AKR1C4: variants seen among roughly 807,000 people sequenced by gnomAD.
AKR1C4 encodes 3-alpha-HSD1.
A neutral mutation model predicts 41.0 loss-of-function variants in AKR1C4; 44 were observed. The observed-to-expected ratio is 1.07, with a 90% CI of 0.84 to 1.38. The LOEUF is 1.38. AKR1C4 is among the 40% of genes most tolerant of loss of function. The pLI is 0.00. For missense variants in AKR1C4, 438 were observed against 387.9 expected (o/e 1.13, Z -1.09); for synonymous variants, 165 against 137.7 (o/e 1.20, Z -1.39).
At chr10:5,205,724 A>G in intron 3 of AKR1C4, 33 bp from the exon 4 acceptor site, 1 of 1,596,896 alleles carries the variant, frequency 6.3e-7, no homozygotes, top group Non-Finnish European at 8.6e-7. Context: ...GAAAAGTTAA[A>G]TGGTGACACT....
intron 3 of AKR1C4, among the ~76,000 whole-genome samples, chr10:5,205,017 C>T (rs1055959345): frequency 3.3e-5 from 5 of 152,206 alleles, no homozygotes; most frequent in African/African-American, 9.6e-5. Flanking sequence ...TCATGAATTT[C>T]GGTTGTGCAT....
At chr10:5,210,831 C>T (rs1832563533) in intron 5 of AKR1C4, among the ~76,000 whole-genome samples, 1 of 152,200 alleles carries the variant, frequency 6.6e-6, no homozygotes, top group East Asian at 1.9e-4. Context: ...AGGCTGGTCT[C>T]AAACTCCTGA....
rs1485304187 is a variant in AKR1C4, at chr10:5,218,515, AAT to A, written c.930-199_930-198del. On this transcript the variant is annotated intron_variant, in intron 8 of 8. Transcript: ENST00000263126. The stretch of plus-strand genomic sequence containing the variant: ...TTGTGTGATAAATTCCAGGCAAGGG[AAT>A]ATAAGTTGAAAATTTTCTTATTTTG... Among the ~76,000 whole-genome samples the A allele has an allele frequency of 1.1e-4, 17 of 147,928 alleles. 1 individual carries two copies. Among genetic ancestry groups the A allele is most frequent in the East Asian group, 1.0e-3 (5 of 4,984 alleles).
chr10:5,197,390 T>C (rs1331655899), intron 1 of AKR1C4, among the ~76,000 whole-genome samples: 1 of 152,186 alleles, frequency 6.6e-6, no homozygotes, highest in Non-Finnish European at 1.5e-5. Flanking sequence ...ATGGGGTGTA[T>C]GAAAACTGTT....
At chr10:5,216,923 G>A (rs1832665545) in intron 8 of AKR1C4, 130 bp downstream of exon 8, 1 of 623,426 alleles carries the variant, frequency 1.6e-6, no homozygotes, top group Admixed American at 3.0e-5. Flanking sequence ...GGAACTCTCT[G>A]GAACTCTCCT....
intron 5 of AKR1C4, among the ~76,000 whole-genome samples, chr10:5,208,724 CATTG>C (rs1832526132): frequency 6.6e-6 from 1 of 151,186 alleles, no homozygotes; most frequent in African/African-American, 2.5e-5. Flanking sequence ...TCATATTTCC[CATTG>C]TTTTATTGAA....
chr10:5,199,696 C>A (rs1446829208), intron 1 of AKR1C4, among the ~76,000 whole-genome samples: 2 of 152,040 alleles, frequency 1.3e-5, no homozygotes, highest in African/African-American at 4.8e-5. Flanking sequence ...GCTGAGCAGC[C>A]GGACTCTAGG....
chr10:5,205,098 G>T (rs536880467), intron 3 of AKR1C4, among the ~76,000 whole-genome samples: 3 of 152,254 alleles, frequency 2.0e-5, no homozygotes, highest in African/African-American at 7.2e-5. Context: ...TGATGCAAAT[G>T]GGTAGTCACT....
intron 3 of AKR1C4, among the ~76,000 whole-genome samples, 192 bp from the exon 4 acceptor site, chr10:5,205,565 A>G (rs1034026944): frequency 1.3e-5 from 2 of 152,220 alleles, no homozygotes; most frequent in African/African-American, 4.8e-5. Context: ...TAATGGAAGT[A>G]GGAGATTAAA....
chr10:5,216,623 C>T (rs1832661338), intron 7 of AKR1C4, 88 bp from the exon 8 acceptor site: 2 of 887,390 alleles, frequency 2.3e-6, no homozygotes, highest in African/African-American at 1.7e-5. Flanking sequence ...TTACATATTG[C>T]CTCTACACCC....
intron 3 of AKR1C4, among the ~76,000 whole-genome samples, chr10:5,204,912 G>T (rs1832461885): frequency 6.6e-6 from 1 of 152,124 alleles, no homozygotes; most frequent in Non-Finnish European, 1.5e-5. Context: ...AACTCACTCT[G>T]GGTGAGTTTT....
At chr10:5,202,447 A>T (rs1554797004) in intron 2 of AKR1C4, 3 of 455,572 alleles carry the variant, frequency 6.6e-6, no homozygotes, top group Non-Finnish European at 1.3e-5. Flanking sequence ...TATTACTGGC[A>T]AACAGCAATA....
intron 6 of AKR1C4, 126 bp from the exon 7 acceptor site, chr10:5,212,865 ATGC>A (rs1832599672): frequency 7.2e-7 from 1 of 1,395,456 alleles, no homozygotes; most frequent in Non-Finnish European, 9.8e-7. Flanking sequence ...ATACCAGGTG[ATGC>A]TGCTGCTGTT....
At chr10:5,199,861 TA>T (rs1397270715) in intron 1 of AKR1C4, among the ~76,000 whole-genome samples, 2 of 152,134 alleles carry the variant, frequency 1.3e-5, no homozygotes, top group Admixed American at 1.3e-4. Flanking sequence ...GTCCTTGCCA[TA>T]AGGTAGAGGG....
chr10:5,208,363 G>T (rs914111616), intron 5 of AKR1C4, among the ~76,000 whole-genome samples: 1 of 151,436 alleles, frequency 6.6e-6, no homozygotes, highest in African/African-American at 2.5e-5. Context: ...CAATTAAAAA[G>T]GAATTAATGT....
chr10:5,206,472 T>C (rs1296187282), intron 5 of AKR1C4, 75 bp downstream of exon 5: 1 of 1,600,962 alleles, frequency 6.2e-7, no homozygotes, highest in African/African-American at 1.3e-5. Context: ...CTTCCATTTG[T>C]TTTGTTCCAC....
intron 8 of AKR1C4, 68 bp downstream of exon 8, chr10:5,216,861 A>T: frequency 8.9e-7 from 1 of 1,118,934 alleles, no homozygotes; most frequent in Non-Finnish European, 1.3e-6. Context: ...GGGTGTTGAA[A>T]GTGACCTCAA....
intron 8 of AKR1C4, 35 bp downstream of exon 8, chr10:5,216,828 T>G: frequency 6.7e-7 from 1 of 1,483,152 alleles, no homozygotes. Flanking sequence ...TCCCAGTTTA[T>G]TTTTAGAGGA....
At chr10:5,201,594 CT>C (rs1428979669) in intron 2 of AKR1C4, among the ~76,000 whole-genome samples, 24 of 152,110 alleles carry the variant, frequency 1.6e-4, no homozygotes, top group Non-Finnish European at 2.5e-4. Context: ...TGTGCAGAAT[CT>C]TTTTAGTTTA....
Sources: gnomAD v4.1 joint callset for allele counts (sites outside exome capture counted in the v4.1 genomes callset) on GRCh38, gnomAD v4.1.1 for gene constraint, MANE v1.5 for transcripts, NCBI Gene and HGNC (gene_info 2026-07-23, HGNC 2026-07-21) for gene names.